AHCYL2: variants seen among roughly 807,000 people sequenced by gnomAD.
AHCYL2 encodes adenosylhomocysteinase like 2.
A neutral mutation model predicts 81.4 loss-of-function variants in AHCYL2; 28 were observed. The ratio of observed to expected loss-of-function variants is 0.34; its 90% CI spans 0.25 to 0.47. AHCYL2 has a LOEUF of 0.47. Ranked by LOEUF, AHCYL2 falls within the 20% of genes least tolerant of loss-of-function variation. The pLI is 1.00. For missense variants in AHCYL2, 551 were observed against 785.1 expected (o/e 0.70, Z 3.56); for synonymous variants, 272 against 290.2 (o/e 0.94, Z 0.64).
At chr7:129,271,286 G>A (rs1197508637) in intron 1 of AHCYL2, among the ~76,000 whole-genome samples, 1 of 149,768 alleles carries the variant, frequency 6.7e-6, no homozygotes, top group Non-Finnish European at 1.5e-5. Context: ...GCGTGAACCC[G>A]AGAGGTGGAG....
At chr7:129,274,999 A>G (rs535453681) in intron 1 of AHCYL2, among the ~76,000 whole-genome samples, 163 of 152,318 alleles carry the variant, frequency 1.1e-3, no homozygotes, top group Non-Finnish European at 2.0e-3. Flanking sequence ...GCCCTGCCAG[A>G]ATTTGTGGCC....
intron 1 of AHCYL2, among the ~76,000 whole-genome samples, chr7:129,276,059 A>T (rs893082694): frequency 1.3e-5 from 2 of 152,302 alleles, no homozygotes; most frequent in South Asian, 2.1e-4. Context: ...TTAAGACTGA[A>T]ATTGAGCAAA....
chr7:129,389,057 G>T lies in AHCYL2; in HGVS notation c.477G>T (p.Ala159=), dbSNP rs564152454. 2 of 1,601,320 alleles carry T rather than the reference G, an allele frequency of 1.2e-6. No homozygotes were observed. The highest frequency in any genetic ancestry group is 1.8e-5 in the Admixed American group (1 of 55,600). ...GTGTTTTTTATTCTGTCATTCCAGC[G>T]GCTTCATATACAGATAGCTCTGATG... ...SQSSTDSYSS[A]ASYTDSSDDE... The change falls in exon 3 of 17, where the codon GCG becomes GCT. Residue 159 remains alanine (A), a splice_region_variant and synonymous_variant. Coordinates refer to ENST00000325006, the MANE Select transcript of AHCYL2 (RefSeq NM_015328.4).
At chr7:129,363,898 T>C (rs1192275207) in intron 1 of AHCYL2, among the ~76,000 whole-genome samples, 1 of 152,134 alleles carries the variant, frequency 6.6e-6, no homozygotes, top group Non-Finnish European at 1.5e-5. Flanking sequence ...AACACTATCA[T>C]GAAGGTTGTC....
intron 1 of AHCYL2, among the ~76,000 whole-genome samples, chr7:129,341,437 G>A (rs1215607900): frequency 1.3e-5 from 2 of 152,228 alleles, no homozygotes; most frequent in African/African-American, 4.8e-5. Context: ...AAAGGTGGAT[G>A]TGGGGAGGGA....
intron 1 of AHCYL2, among the ~76,000 whole-genome samples, chr7:129,352,937 C>CTTTTTTTTTTTTTTTTTTTTTTTTTTTTT (rs59762582): frequency 1.2e-5 from 1 of 82,556 alleles, no homozygotes; most frequent in Non-Finnish European, 2.2e-5. Flanking sequence ...CCTCCTCATT[C>CTTTTTTTTTTTTTTTTTTTTTTTTTTTTT]TTTTTTTTTT....
intron 1 of AHCYL2, among the ~76,000 whole-genome samples, chr7:129,285,672 C>T (rs1796602154): frequency 1.3e-5 from 2 of 149,376 alleles, no homozygotes; most frequent in South Asian, 4.2e-4. Flanking sequence ...GAGCAGTAAT[C>T]CTCTATTTTC....
intron 1 of AHCYL2, among the ~76,000 whole-genome samples, chr7:129,280,789 G>T (rs1796411239): frequency 6.7e-6 from 1 of 150,016 alleles, no homozygotes; most frequent in African/African-American, 2.4e-5. Flanking sequence ...GGTGGATTTT[G>T]TCTAATGCAT....
chr7:129,228,718 A>G (rs1045942560), intron 1 of AHCYL2, among the ~76,000 whole-genome samples: 25 of 152,260 alleles, frequency 1.6e-4, no homozygotes, highest in African/African-American at 5.8e-4. Context: ...TCTGACAATA[A>G]GGCTGCAAGC....
chr7:129,323,163 G>A (rs973298140), intron 1 of AHCYL2, among the ~76,000 whole-genome samples: 1 of 151,984 alleles, frequency 6.6e-6, no homozygotes, highest in African/African-American at 2.4e-5. Flanking sequence ...TTCTTAAGGT[G>A]GAAACTGAGG....
intron 1 of AHCYL2, among the ~76,000 whole-genome samples, chr7:129,230,079 CTTTTTTT>C (rs35056717): frequency 9.1e-5 from 10 of 109,434 alleles, no homozygotes; most frequent in East Asian, 8.0e-4. Flanking sequence ...TTATTTAATT[CTTTTTTT>C]TTTTTTTTTT....
chr7:129,229,631 A>T (rs974720701), intron 1 of AHCYL2, among the ~76,000 whole-genome samples: 5 of 152,194 alleles, frequency 3.3e-5, no homozygotes, highest in Admixed American at 6.5e-5. Flanking sequence ...CTTTTAGAAT[A>T]CTAAGTGAAC....
intron 11 of AHCYL2, chr7:129,410,073 T>G (rs1179081832): frequency 7.7e-7 from 1 of 1,304,528 alleles, no homozygotes; most frequent in Non-Finnish European, 1.1e-6. Flanking sequence ...GCCATCATTT[T>G]ATTCCATTCC....
intron 1 of AHCYL2, among the ~76,000 whole-genome samples, chr7:129,237,636 A>G (rs147114773): frequency 2.3e-3 from 347 of 152,098 alleles, no homozygotes; most frequent in African/African-American, 7.9e-3. Flanking sequence ...TACATGTCCT[A>G]TGCAGTGGTA....
intron 4 of AHCYL2, among the ~76,000 whole-genome samples, chr7:129,396,583 G>A (rs1795753214): frequency 6.6e-6 from 1 of 151,918 alleles, no homozygotes; most frequent in South Asian, 2.1e-4. Flanking sequence ...CACCATGCCT[G>A]GGTAATTTTT....
At position 129,375,817 on chromosome 7, in the gene AHCYL2, G is replaced by C. The variant is rs898725855; in HGVS notation, c.364-3821G>C. ...GCTGATGAGGAAAGTTTAAAGGCCT[G>C]ATCACAAGGGTCCCTGGACCACAGA... On this transcript the variant is annotated intron_variant, in intron 1 of 16. Coordinates refer to ENST00000325006, the MANE Select transcript of AHCYL2 (RefSeq NM_015328.4). The C allele has an allele frequency of 2.6e-6, 4 of 1,534,258 alleles. No individual in the cohort carries two copies. The African/African-American group carries it at 5.5e-5, about 21-fold the overall frequency.
intron 1 of AHCYL2, among the ~76,000 whole-genome samples, chr7:129,309,238 A>G (rs1320073908): frequency 6.6e-6 from 1 of 151,408 alleles, no homozygotes; most frequent in Non-Finnish European, 1.5e-5. Context: ...TCTCAAAACA[A>G]CAACAAAAAT....
At chr7:129,273,848 G>A (rs1336755528) in intron 1 of AHCYL2, among the ~76,000 whole-genome samples, 2 of 152,092 alleles carry the variant, frequency 1.3e-5, no homozygotes, top group African/African-American at 4.8e-5. Flanking sequence ...AGATTCATAG[G>A]AAATCCACAA....
At chr7:129,225,787 A>G (rs965942351) in intron 1 of AHCYL2, among the ~76,000 whole-genome samples, 1 of 152,198 alleles carries the variant, frequency 6.6e-6, no homozygotes, top group Non-Finnish European at 1.5e-5. Context: ...AGAGACCTCG[A>G]TAGTATAGAA....
Sources: allele counts gnomAD v4.1 joint callset (sites outside exome capture counted in the v4.1 genomes callset), GRCh38; gene constraint gnomAD v4.1.1; transcripts MANE v1.5; gene names NCBI Gene and HGNC (gene_info 2026-07-23, HGNC 2026-07-21).